Variants in CRB1 observed in about 807,000 individuals in gnomAD.
CRB1 encodes the protein protein crumbs homolog 1.
A neutral mutation model predicts 120.0 loss-of-function variants in CRB1; 83 were observed. The observed-to-expected ratio is 0.69, with a 90% CI of 0.58 to 0.83. CRB1 has a LOEUF of 0.83. Ranked by LOEUF, CRB1 falls within the 40% of genes least tolerant of loss-of-function variation. The probability of loss-of-function intolerance (pLI) is 0.00; values close to 1 mark genes in which losing one functional copy is unlikely to be tolerated. For missense variants in CRB1, 1,699 were observed against 1,687.6 expected (o/e 1.01, Z -0.12); for synonymous variants, 625 against 612.5 (o/e 1.02, Z -0.30).
rs1212990581 is a variant in CRB1 at position 197,427,821 on chromosome 1, T to C, written c.2496T>C (p.Ile832=). The C allele has an allele frequency of 3.1e-6, 5 of 1,613,972 alleles. No individual in the cohort carries two copies. Among genetic ancestry groups the C allele is most frequent in the Non-Finnish European group, 4.2e-6 (5 of 1,180,004 alleles). ...TCGAAAAGGGAGATGTCATCTACAT[T>C]GGTGGCCTACCTGACAAGCAAGAGA... ...WKIEKGDVIY[I]GGLPDKQETE... is the part of the protein sequence containing the mutation. Residue 832 remains isoleucine (I), a synonymous_variant, in exon 7 of 12, where the codon ATT becomes ATC. Coordinates refer to ENST00000367400, the MANE Select transcript of CRB1 (RefSeq NM_201253.3).
chr1:197,223,261 C>T, the CRB1 span: 1 of 947,708 alleles, frequency 1.1e-6, no homozygotes. Flanking sequence ...ATTGAATATT[C>T]CTTGTGCCAG....
chr1:197,371,387 G>T (rs1278036661), intron 5 of CRB1, among the ~76,000 whole-genome samples: 1 of 152,010 alleles, frequency 6.6e-6, no homozygotes, highest in Non-Finnish European at 1.5e-5. Context: ...TTTAGCACTA[G>T]ATAAAAATCC....
At position 197,434,721 on chromosome 1, in the gene CRB1, T is replaced by C. The variant is rs1665040522; in HGVS notation, c.2858T>C (p.Val953Ala). ...CTCTCATTAGGTATTGCAAATGCTG[T>C]TTTTAATGGACAAAGCGGTCAAATA... is the stretch of plus-strand genomic sequence containing the variant. ...LQGFECIANA[V>A]FNGQSGQILF... The change falls in exon 9 of 12, where the codon GTT becomes GCT. Residue 953 changes from valine (V) to alanine (A), a missense_variant. Transcript: ENST00000367400. 1 of 1,613,324 alleles carries C rather than the reference T, an allele frequency of 6.2e-7. No homozygotes were observed. Among genetic ancestry groups the C allele is most frequent in the Non-Finnish European group, 8.5e-7 (1 of 1,179,446 alleles).
the CRB1 span, among the ~76,000 whole-genome samples, chr1:197,247,609 T>A: frequency 6.6e-6 from 1 of 152,172 alleles, no homozygotes; most frequent in African/African-American, 2.4e-5. Flanking sequence ...CTGACCTTGC[T>A]AGCATTCATC....
intron 5 of CRB1, among the ~76,000 whole-genome samples, chr1:197,375,930 G>A (rs753287244): frequency 2.0e-5 from 3 of 151,996 alleles, no homozygotes; most frequent in Non-Finnish European, 4.4e-5. Flanking sequence ...TCCCCATTAA[G>A]GCAGTTTTTG....
intron 5 of CRB1, chr1:197,363,714 G>C: frequency 2.1e-6 from 1 of 485,652 alleles, no homozygotes; most frequent in South Asian, 2.3e-5. Context: ...GGAACTGTGT[G>C]TGGTTGTTGG....
intron 11 of CRB1, among the ~76,000 whole-genome samples, chr1:197,452,900 T>C (rs1666040588): frequency 6.6e-6 from 1 of 152,212 alleles, no homozygotes; most frequent in South Asian, 2.1e-4. Flanking sequence ...ACAAAATAAT[T>C]GAAATCAGGA....
chr1:197,327,699 A>T (rs1658598450), intron 1 of CRB1, among the ~76,000 whole-genome samples: 1 of 152,066 alleles, frequency 6.6e-6, no homozygotes, highest in African/African-American at 2.4e-5. Flanking sequence ...AACTATATAA[A>T]ATCTTTTCTT....
At chr1:197,338,117 A>G (rs1056680201) in intron 2 of CRB1, among the ~76,000 whole-genome samples, 1 of 152,190 alleles carries the variant, frequency 6.6e-6, no homozygotes, top group East Asian at 1.9e-4. Flanking sequence ...TATTTTTCAA[A>G]CATAGCATCT....
intron 5 of CRB1, among the ~76,000 whole-genome samples, chr1:197,360,927 G>C (rs1281994172): frequency 6.6e-6 from 1 of 152,180 alleles, no homozygotes; most frequent in Non-Finnish European, 1.5e-5. Flanking sequence ...AGTTGAAGTA[G>C]TTCCTCTCTA....
chr1:197,248,990 C>G, the CRB1 span, among the ~76,000 whole-genome samples: 2 of 152,018 alleles, frequency 1.3e-5, no homozygotes, highest in Non-Finnish European at 2.9e-5. Flanking sequence ...AACTCACCCC[C>G]TGTCTCTCAG....
chr1:197,429,229 T>C, intron 7 of CRB1: 1 of 1,441,178 alleles, frequency 6.9e-7, no homozygotes. Flanking sequence ...CAATTTTATA[T>C]CTTTTCTCTC....
In CRB1 at chr1:197,340,133, G is replaced by A. The variant is rs183699994; in HGVS notation, c.653-4148G>A. On this transcript the variant is annotated intron_variant, in intron 2 of 11. Coordinates refer to ENST00000367400, the MANE Select transcript of CRB1 (RefSeq NM_201253.3). ...AATATATATAGACATTTATATTAAG[G>A]GGAATTTTGAGAGCACAGTGAAGCA... is the stretch of plus-strand genomic sequence containing the variant. 9.8e-4 allele frequency among the ~76,000 whole-genome samples: 149 copies of A among 152,248 alleles called. 5 individuals carry two copies. The South Asian group carries it at 0.023, about 23-fold the overall frequency.
chr1:197,432,687 G>T (rs1385275735), intron 8 of CRB1, among the ~76,000 whole-genome samples: 1 of 152,102 alleles, frequency 6.6e-6, no homozygotes, highest in Non-Finnish European at 1.5e-5. Flanking sequence ...GAAAGACAGT[G>T]AAGGAACAAG....
intron 11 of CRB1, among the ~76,000 whole-genome samples, chr1:197,451,126 C>T (rs1367518713): frequency 6.6e-6 from 1 of 152,016 alleles, no homozygotes; most frequent in Non-Finnish European, 1.5e-5. Flanking sequence ...GGAAACATTC[C>T]AATAGAATCT....
chr1:197,286,525 A>T (rs1022829409), intron 1 of CRB1, among the ~76,000 whole-genome samples: 1 of 151,924 alleles, frequency 6.6e-6, no homozygotes, highest in African/African-American at 2.4e-5. Flanking sequence ...TTTGTAATTT[A>T]TCTTCCCAAT....
intron 1 of CRB1, among the ~76,000 whole-genome samples, chr1:197,293,644 A>G (rs891964339): frequency 6.6e-6 from 1 of 152,098 alleles, no homozygotes; most frequent in Non-Finnish European, 1.5e-5. Context: ...AAGGCATCAT[A>G]CTACCTGACT....
At chr1:197,298,452 A>T (rs1345774286) in intron 1 of CRB1, among the ~76,000 whole-genome samples, 2 of 152,160 alleles carry the variant, frequency 1.3e-5, no homozygotes, top group Non-Finnish European at 2.9e-5. Flanking sequence ...TAAATGCTTC[A>T]GGCGAGAGGA....
chr1:197,272,948 T>C (rs1654987949), intron 1 of CRB1, among the ~76,000 whole-genome samples: 1 of 152,222 alleles, frequency 6.6e-6, no homozygotes, highest in Non-Finnish European at 1.5e-5. Flanking sequence ...ATTCAGACTC[T>C]GACTCAACAA....
Sources: allele counts gnomAD v4.1 joint callset (sites outside exome capture counted in the v4.1 genomes callset), GRCh38; gene constraint gnomAD v4.1.1; transcripts MANE v1.5; gene names NCBI Gene and HGNC (gene_info 2026-07-23, HGNC 2026-07-21).